The following STK32A variants were observed in gnomAD, a reference collection of about 807,000 sequenced individuals.
STK32A encodes the protein serine/threonine-protein kinase 32A.
A neutral mutation model predicts 53.2 loss-of-function variants in STK32A; 41 were observed. That is an observed-to-expected ratio of 0.77 (90% CI 0.60 to 1.00). The LOEUF (loss-of-function observed/expected upper bound fraction) is 1.00, where lower values mean the gene tolerates loss of function less well. Ranked by LOEUF, STK32A falls within the 50% of genes least tolerant of loss-of-function variation. The pLI is 0.00. For missense variants in STK32A, 458 were observed against 485.8 expected (o/e 0.94, Z 0.54); for synonymous variants, 166 against 162.8 (o/e 1.02, Z -0.15).
chr5:147,255,744 C>T (rs1754205278), intron 2 of STK32A, among the ~76,000 whole-genome samples: 2 of 152,208 alleles, frequency 1.3e-5, no homozygotes, highest in Admixed American at 1.3e-4. Context: ...TCAGCTATTC[C>T]ATTAACAGCA....
intron 5 of STK32A, among the ~76,000 whole-genome samples, chr5:147,329,087 G>C (rs1209875991): frequency 6.6e-6 from 1 of 152,154 alleles, no homozygotes; most frequent in African/African-American, 2.4e-5. Flanking sequence ...ACAACAGAGA[G>C]AGTTGCAAAA....
In STK32A at chr5:147,243,108, T is replaced by C. The variant is rs889949346; in HGVS notation, c.52+3422T>C. On this transcript the variant is annotated intron_variant, in intron 2 of 12. Coordinates refer to ENST00000397936, the MANE Select transcript of STK32A (RefSeq NM_001112724.2). Reference sequence around the variant, plus strand: ...ATCCCAATATGTGATTTTTAAAAAGTTTTTTAAAATTTTTAAAAAGATTTT... The same window carrying C: ...ATCCCAATATGTGATTTTTAAAAAGCTTTTTAAAATTTTTAAAAAGATTTT... Among the ~76,000 whole-genome samples the C allele has an allele frequency of 9.4e-5, 5 of 53,046 alleles. 2 individuals carry two copies. Among genetic ancestry groups the C allele is most frequent in the Non-Finnish European group, 2.2e-4 (5 of 23,248 alleles). 34.8% of individuals were successfully genotyped at this position (53,046 alleles called of 152,430 possible). A position where few individuals can be genotyped will look rare whatever the true frequency, so the allele number is the denominator to read the frequency against.
At chr5:147,276,456 TCA>T (rs1282771531) in intron 2 of STK32A, among the ~76,000 whole-genome samples, 1 of 152,206 alleles carries the variant, frequency 6.6e-6, no homozygotes, top group Admixed American at 6.5e-5. Flanking sequence ...GGGTTTTGAC[TCA>T]CAGCTCAAAA....
At chr5:147,256,186 T>A (rs1754227880) in intron 2 of STK32A, among the ~76,000 whole-genome samples, 1 of 152,114 alleles carries the variant, frequency 6.6e-6, no homozygotes, top group South Asian at 2.1e-4. Flanking sequence ...TCCCTTCAGG[T>A]CTCCAAGGAA....
intron 7 of STK32A, among the ~76,000 whole-genome samples, chr5:147,360,450 C>CAAAAAAAAAAAAAAAAAAAAAAA (rs56690647): frequency 2.5e-5 from 2 of 81,184 alleles, no homozygotes; most frequent in African/African-American, 4.4e-5. Flanking sequence ...GATTCTGTCT[C>CAAAAAAAAAAAAAAAAAAAAAAA]AAAAAAAAAA....
intron 1 of STK32A, among the ~76,000 whole-genome samples, chr5:147,236,446 C>T (rs1260202374): frequency 6.6e-6 from 1 of 152,070 alleles, no homozygotes; most frequent in Non-Finnish European, 1.5e-5. Flanking sequence ...AAAGAGAGTC[C>T]TACAGCTCTA....
intron 6 of STK32A, chr5:147,348,624 G>C: frequency 1.4e-6 from 1 of 735,542 alleles, no homozygotes; most frequent in South Asian, 1.5e-5. Context: ...AATCTATGCA[G>C]ACTAAAGTAG....
chr5:147,345,168 GC>G, intron 6 of STK32A, among the ~76,000 whole-genome samples: 1 of 152,280 alleles, frequency 6.6e-6, no homozygotes, highest in East Asian at 1.9e-4. Flanking sequence ...AGCCCCGAGA[GC>G]TTTGACAAGT....
chr5:147,318,775 C>CAAA (rs5872017), intron 4 of STK32A, among the ~76,000 whole-genome samples: 2 of 135,502 alleles, frequency 1.5e-5, no homozygotes, highest in African/African-American at 2.8e-5. Flanking sequence ...GACCCTGTCT[C>CAAA]AAAAAAAAAA....
chr5:147,339,150 T>C (rs1164822441), intron 5 of STK32A, among the ~76,000 whole-genome samples: 2 of 151,842 alleles, frequency 1.3e-5, no homozygotes, highest in African/African-American at 2.4e-5. Flanking sequence ...GGAGGAAAAA[T>C]GGTTTCATGG....
At chr5:147,280,677 G>A (rs924768232) in intron 4 of STK32A, among the ~76,000 whole-genome samples, 1 of 151,204 alleles carries the variant, frequency 6.6e-6, no homozygotes, top group African/African-American at 2.4e-5. Flanking sequence ...ACCTAGCCCT[G>A]CCCCCACCTG....
At chr5:147,263,691 T>G (rs1339210455) in intron 2 of STK32A, among the ~76,000 whole-genome samples, 1 of 151,826 alleles carries the variant, frequency 6.6e-6, no homozygotes, top group Non-Finnish European at 1.5e-5. Context: ...AACAAAGATA[T>G]AAAATAAGGG....
At chr5:147,235,517 T>C (rs1317144594) in intron 1 of STK32A, among the ~76,000 whole-genome samples, 1 of 152,194 alleles carries the variant, frequency 6.6e-6, no homozygotes, top group African/African-American at 2.4e-5. Flanking sequence ...GATTGCTTCA[T>C]CTCCACAAGG....
intron 7 of STK32A, 67 bp from the exon 8 acceptor site, chr5:147,361,450 C>T (rs2151998315): frequency 2.9e-6 from 3 of 1,034,946 alleles, no homozygotes; most frequent in Non-Finnish European, 4.4e-6. Context: ...TTTGGAGGAA[C>T]ATGTTGAGAA....
rs1167602952 is a variant in STK32A, at chr5:147,383,954, G to C, written c.1162G>C (p.Gly388Arg). The C allele has an allele frequency of 1.2e-6, 2 of 1,608,034 alleles. No homozygotes were observed. Among genetic ancestry groups the C allele is most frequent in the African/African-American group, 1.3e-5 (1 of 74,236 alleles). Reference sequence around the variant, plus strand: ...CTTGGAACAAACCAAAGACCCACAAGGTGAGGATGGTCAGAATAACAACTT... The same window carrying C: ...CTTGGAACAAACCAAAGACCCACAACGTGAGGATGGTCAGAATAACAACTT... ...LALEQTKDPQ[G>R]EDGQNNNL Residue 388 changes from glycine to arginine, a missense_variant, in exon 13 of 13, where the codon GGT becomes CGT. Gly to Arg is a moderately radical substitution (Grantham distance 125, BLOSUM62 -2). Transcript: ENST00000397936.
chr5:147,357,617 A>G (rs1756310667), intron 7 of STK32A, among the ~76,000 whole-genome samples: 1 of 152,058 alleles, frequency 6.6e-6, no homozygotes, highest in Non-Finnish European at 1.5e-5. Flanking sequence ...TAAAAATATT[A>G]TCAAGCCACT....
intron 4 of STK32A, among the ~76,000 whole-genome samples, chr5:147,288,693 A>G (rs1268818169): frequency 6.6e-6 from 1 of 152,066 alleles, no homozygotes. Context: ...TATCACGAGA[A>G]CAGCACCAAG....
intron 2 of STK32A, among the ~76,000 whole-genome samples, chr5:147,260,438 T>C (rs1449059654): frequency 6.6e-6 from 1 of 151,196 alleles, no homozygotes; most frequent in Non-Finnish European, 1.5e-5. Context: ...CCGGTGGGAG[T>C]AGAGCTACTC....
chr5:147,259,833 C>CTT, intron 2 of STK32A, among the ~76,000 whole-genome samples: 1 of 146,844 alleles, frequency 6.8e-6, no homozygotes, highest in African/African-American at 2.5e-5. Flanking sequence ...TCTTGTTTCT[C>CTT]TCTCCTCTGT....
Sources: gnomAD v4.1 joint callset for allele counts (sites outside exome capture counted in the v4.1 genomes callset) on GRCh38, gnomAD v4.1.1 for gene constraint, MANE v1.5 for transcripts, NCBI Gene and HGNC (gene_info 2026-07-23, HGNC 2026-07-21) for gene names.